IFIH1: variants seen among roughly 807,000 people sequenced by gnomAD.
IFIH1 encodes interferon-induced helicase C domain-containing protein 1.
IFIH1 carries 125 observed loss-of-function variants against 107.4 expected under a neutral mutation model. The ratio of observed to expected loss-of-function variants is 1.16; its 90% CI spans 1.01 to 1.35. The LOEUF (loss-of-function observed/expected upper bound fraction) is 1.35. Among genes scored for constraint, IFIH1 ranks in the 40% most tolerant of loss-of-function variants. The pLI is 0.00. For synonymous variants in IFIH1, 458 were observed against 413.2 expected (o/e 1.11, Z -1.31); for missense variants, 1,333 against 1,213.7 (o/e 1.10, Z -1.46).
intron 3 of IFIH1, among the ~76,000 whole-genome samples, chr2:162,301,948 A>G (rs1352289707): frequency 6.6e-6 from 1 of 152,232 alleles, no homozygotes; most frequent in Admixed American, 6.5e-5. Context: ...GAAAAGGGCA[A>G]ATAAAAAATT....
chr2:162,299,104 G>A (rs981385456), intron 3 of IFIH1, among the ~76,000 whole-genome samples: 22 of 152,164 alleles, frequency 1.4e-4, no homozygotes, highest in African/African-American at 4.3e-4. Flanking sequence ...ATGCCCTTTA[G>A]CCTTTGCACT....
At position 162,277,434 on chromosome 2, in the gene IFIH1, A is replaced by G; in HGVS notation, c.2025T>C (p.Phe675=). The G allele has an allele frequency of 6.2e-7, 1 of 1,608,864 alleles. No homozygotes were observed. The highest frequency in any genetic ancestry group is 8.5e-7 in the Non-Finnish European group (1 of 1,176,454). ...KPLKLDETDR[F]LMTLFFENNK... ...TCTTACCAAAAAATAAAGTCATGAG[A>G]AATCTATCTGTTTCATCCAGTTTCA... is the stretch of plus-strand genomic sequence containing the variant. The change falls in exon 10 of 16, where the codon TTT becomes TTC. Residue 675 remains phenylalanine, a synonymous_variant. Transcript: ENST00000649979.
At position 162,273,847 on chromosome 2, in the gene IFIH1, C is replaced by T. The variant is rs1576222807; in HGVS notation, c.2402G>A (p.Cys801Tyr). The T allele has an allele frequency of 6.2e-7, 1 of 1,611,300 alleles. No individual in the cohort carries two copies. The highest frequency in any genetic ancestry group is 8.5e-7 in the Non-Finnish European group (1 of 1,178,298). The change falls in exon 12 of 16, where the codon TGT becomes TAT. Residue 801 changes from cysteine to tyrosine, a missense_variant. By Grantham distance (194) the Cys-to-Tyr change is radical (BLOSUM62 -2). Coordinates refer to ENST00000649979, the MANE Select transcript of IFIH1 (RefSeq NM_022168.4). ...VAEEGLDIKE[C>Y]NIVIRYGLVT... ...GAGACCATAACGGATAACAATGTTA[C>T]ATTCTTTAATATCCAGACCTTCTTC...
chr2:162,317,709 T>C, intron 1 of IFIH1, 146 bp downstream of exon 1: 1 of 659,590 alleles, frequency 1.5e-6, no homozygotes, highest in Non-Finnish European at 2.6e-6. Context: ...TAAAATTGTC[T>C]TAAAGTGCCT....
At chr2:162,273,564 G>T (rs959375120) in intron 12 of IFIH1, among the ~76,000 whole-genome samples, 1 of 152,130 alleles carries the variant, frequency 6.6e-6, no homozygotes, top group African/African-American at 2.4e-5. Flanking sequence ...TACAGAAATA[G>T]CTAAAGAGGA....
At chr2:162,299,717 A>T (rs1002910952) in intron 3 of IFIH1, among the ~76,000 whole-genome samples, 2 of 152,166 alleles carry the variant, frequency 1.3e-5, no homozygotes, top group East Asian at 3.9e-4. Flanking sequence ...CCAAATGATA[A>T]ATGGTGTACT....
intron 3 of IFIH1, among the ~76,000 whole-genome samples, chr2:162,298,296 T>G (rs1264345902): frequency 6.6e-6 from 1 of 152,194 alleles, no homozygotes; most frequent in Non-Finnish European, 1.5e-5. Context: ...TATCTTTCGT[T>G]TCTTTCCCCT....
rs1000760454 is a variant in IFIH1, at chr2:162,284,837, A to T, written c.1096-2261T>A. On this transcript the variant is annotated intron_variant, in intron 5 of 15. Transcript: ENST00000649979. Reference sequence around the variant, plus strand: ...AGATCTACATTTGATTTGTCTTTAAATACACTCATGCTGAATGATTTAATT... The same window carrying T: ...AGATCTACATTTGATTTGTCTTTAATTACACTCATGCTGAATGATTTAATT... Among the ~76,000 whole-genome samples the T allele has an allele frequency of 3.9e-5, 6 of 152,004 alleles. No individual in the cohort carries two copies. In the East Asian group the frequency reaches 1.2e-3, roughly 29 times the overall value.
At chr2:162,310,656 A>G (rs1683370257) in intron 2 of IFIH1, 109 bp downstream of exon 2, 6 of 855,198 alleles carry the variant, frequency 7.0e-6, no homozygotes, top group Non-Finnish European at 1.1e-5. Context: ...CCACTCTTAA[A>G]ATTTTGATTC....
chr2:162,294,249 T>C (rs1040586571), intron 3 of IFIH1, among the ~76,000 whole-genome samples: 2 of 151,968 alleles, frequency 1.3e-5, no homozygotes, highest in African/African-American at 4.8e-5. Flanking sequence ...ACTGTTTTTC[T>C]TTACTATAAT....
chr2:162,288,348 C>T lies in IFIH1; in HGVS notation c.882G>A (p.Glu294=), dbSNP rs1439613392. ...CCGGGGATGCTCTTGCTGCCACATT[C>T]TCTTCATCTGAAGAAGGTTGAAAAG... ...SGTMGSDSDE[E]NVAARASPEP... is the part of the protein sequence containing the mutation. The change falls in exon 5 of 16, where the codon GAG becomes GAA. Residue 294 remains glutamate, a synonymous_variant. Coordinates refer to ENST00000649979, the MANE Select transcript of IFIH1 (RefSeq NM_022168.4). 1 of 1,611,662 alleles carries T rather than the reference C, an allele frequency of 6.2e-7. No individual in the cohort carries two copies. The highest frequency in any genetic ancestry group is 1.7e-5 in the Admixed American group (1 of 59,810).
intron 12 of IFIH1, 91 bp downstream of exon 12, chr2:162,273,704 G>GA: frequency 1.0e-6 from 1 of 964,362 alleles, no homozygotes; most frequent in African/African-American, 1.7e-5. Flanking sequence ...AAACTAAAAA[G>GA]ATGTTTTTGC....
At chr2:162,314,424 C>CTTTTCT (rs1355757570) in intron 1 of IFIH1, among the ~76,000 whole-genome samples, 1 of 60,986 alleles carries the variant, frequency 1.6e-5, no homozygotes, top group African/African-American at 9.8e-5. Flanking sequence ...TCTTTTCTTT[C>CTTTTCT]TTTCTTTCTT....
intron 2 of IFIH1, 74 bp from the exon 3 acceptor site, chr2:162,306,929 T>C (rs1683291647): frequency 1.5e-6 from 2 of 1,361,456 alleles, no homozygotes; most frequent in East Asian, 4.6e-5. Flanking sequence ...ACTGTTATTG[T>C]TATTTTGAAA....
chr2:162,314,330 G>C (rs538059653), intron 1 of IFIH1, among the ~76,000 whole-genome samples: 1 of 151,140 alleles, frequency 6.6e-6, no homozygotes, highest in Admixed American at 6.6e-5. Context: ...CTTGTATACA[G>C]TAGACATTCT....
intron 1 of IFIH1, among the ~76,000 whole-genome samples, chr2:162,314,417 T>TTTCG (rs1558877462): frequency 2.7e-3 from 77 of 28,148 alleles, no homozygotes; most frequent in Non-Finnish European, 3.0e-3. Context: ...CTTTCTTTCT[T>TTTCG]TTCTTTCTTT....
chr2:162,267,356 G>A lies in IFIH1; in HGVS notation c.2922C>T (p.His974=). 6.2e-7 allele frequency: 1 copy of A among 1,613,808 alleles called. No homozygotes were observed. Among genetic ancestry groups the A allele is most frequent in the South Asian group, 1.1e-5 (1 of 90,976 alleles). The change falls in exon 16 of 16, where the codon CAC becomes CAT. Residue 974 remains histidine, a synonymous_variant. Coordinates refer to ENST00000649979, the MANE Select transcript of IFIH1 (RefSeq NM_022168.4). ...CGQAWGTMMV[H]KGLDLPCLKI... ...TGAGACAAGGCAAATCTAAGCCTTTGTGCACCATCATTGTTCCCCAAGCCT... is the reference window on the plus strand; with the variant it reads ...TGAGACAAGGCAAATCTAAGCCTTTATGCACCATCATTGTTCCCCAAGCCT...
In IFIH1 at chr2:162,267,270, C is replaced by T; in HGVS notation, c.3008G>A (p.Trp1003Ter). The T allele has an allele frequency of 6.2e-7, 1 of 1,611,686 alleles. No homozygotes were observed. The highest frequency in any genetic ancestry group is 8.5e-7 in the Non-Finnish European group (1 of 1,179,318). The stretch of plus-strand genomic sequence containing the variant: ...GGGAAATGTGATAGGTAATTCTACC[C>T]ACTTTTTGTATTGTTTCTTTGTTGA... ...NNSTKKQYKKWVELPITFPNL... is the reference protein window; with the variant it reads ...NNSTKKQYKK The change falls in exon 16 of 16, where the codon TGG (tryptophan) becomes TAG (stop). Residue 1003 changes from tryptophan (W) to a stop codon, truncating the protein, a stop_gained. Coordinates refer to ENST00000649979, the MANE Select transcript of IFIH1 (RefSeq NM_022168.4). LOFTEE classifies it high-confidence loss of function.
intron 13 of IFIH1, 138 bp downstream of exon 13, chr2:162,272,088 G>A (rs1251958961): frequency 1.4e-6 from 1 of 698,742 alleles, no homozygotes; most frequent in Non-Finnish European, 2.5e-6. Context: ...ATGTGAATCT[G>A]GATTAAGCAC....
Sources: allele counts gnomAD v4.1 joint callset (sites outside exome capture counted in the v4.1 genomes callset), GRCh38; gene constraint gnomAD v4.1.1; transcripts MANE v1.5; gene names NCBI Gene and HGNC (gene_info 2026-07-23, HGNC 2026-07-21).